The following BCAS3 variants were observed in gnomAD, a reference collection of about 807,000 sequenced individuals.
BCAS3 encodes BCAS3 microtubule associated cell migration factor.
Under a neutral mutation model 116.1 loss-of-function variants are expected in BCAS3, and 53 were observed. The ratio of observed to expected loss-of-function variants is 0.46; its 90% CI spans 0.37 to 0.57. BCAS3 has a LOEUF of 0.57. Among genes scored for constraint, BCAS3 ranks in the 20% least tolerant of loss-of-function variants. The probability of loss-of-function intolerance (pLI) is 0.00; values close to 1 mark genes in which losing one functional copy is unlikely to be tolerated. For missense variants in BCAS3, 917 were observed against 1,165.4 expected (o/e 0.79, Z 3.10); for synonymous variants, 391 against 408.2 (o/e 0.96, Z 0.51).
chr17:60,940,160 A>G (rs1001601061), intron 13 of BCAS3, among the ~76,000 whole-genome samples: 4 of 152,348 alleles, frequency 2.6e-5, no homozygotes, highest in East Asian at 3.9e-4. Flanking sequence ...TTCACTTTAT[A>G]TAGATTTTTC....
chr17:60,726,446 C>T (rs181609734), intron 5 of BCAS3, among the ~76,000 whole-genome samples: 3 of 151,400 alleles, frequency 2.0e-5, no homozygotes, highest in African/African-American at 4.9e-5. Flanking sequence ...GTGATCTGCC[C>T]GCCTTGGCCT....
chr17:61,148,031 C>T (rs2077338172), intron 22 of BCAS3, among the ~76,000 whole-genome samples: 1 of 151,700 alleles, frequency 6.6e-6, no homozygotes, highest in Admixed American at 6.6e-5. Flanking sequence ...GTTGGGAATG[C>T]AGCTACCAAT....
chr17:61,306,020 G>A (rs2053828771), intron 22 of BCAS3, among the ~76,000 whole-genome samples: 1 of 152,154 alleles, frequency 6.6e-6, no homozygotes, highest in Non-Finnish European at 1.5e-5. Flanking sequence ...ACTGAATTTG[G>A]CCCCAAGTCT....
At position 61,343,862 on chromosome 17, in the gene BCAS3, A is replaced by G. The variant is rs112026720; in HGVS notation, c.2426-24465A>G. ...TGCTCAGTTCTGCTCTGCAGCCCCCATGGCGACACCCTCTCTCTTTGGACC... is the reference window on the plus strand; with the variant it reads ...TGCTCAGTTCTGCTCTGCAGCCCCCGTGGCGACACCCTCTCTCTTTGGACC... On this transcript the variant is annotated intron_variant, in intron 22 of 23. Transcript: ENST00000407086. The surrounding 1 kb of genome is among the most constrained non-coding windows in gnomAD (Gnocchi z 5.5). Among the ~76,000 whole-genome samples the G allele has an allele frequency of 2.0e-3, 298 of 152,296 alleles. 2 individuals carry two copies. Among genetic ancestry groups the G allele is most frequent in the Non-Finnish European group, 2.9e-3 (198 of 68,014 alleles).
intron 19 of BCAS3, among the ~76,000 whole-genome samples, chr17:61,044,562 T>C (rs1307589791): frequency 2.0e-5 from 3 of 151,394 alleles, no homozygotes; most frequent in Admixed American, 6.6e-5. Context: ...AGTCACAGTT[T>C]CCATGAACTT....
rs1223979213 is a variant in BCAS3 at position 61,380,383 on chromosome 17, C to A, written c.2594-11594C>A. 1 of 843,482 alleles carries A rather than the reference C, an allele frequency of 1.2e-6. No homozygotes were observed. The highest frequency in any genetic ancestry group is 1.5e-5 in the South Asian group (1 of 66,784). The allele number at this position is 843,482 out of a possible 1,614,324, so 52.2% of individuals were successfully genotyped here. A position where few individuals can be genotyped will look rare whatever the true frequency, so the allele number is the denominator to read the frequency against. On this transcript the variant is annotated intron_variant, in intron 23 of 23. Coordinates refer to ENST00000407086, the MANE Select transcript of BCAS3 (RefSeq NM_017679.5). This position sits in a 1 kb window ranked among gnomAD's most constrained non-coding sequence, Gnocchi z 4.2. ...GCCTGGGAACAGACCATGAACACCC[C>A]CGCAAAGCTCTCAGTGGTCAAACCA... is the stretch of plus-strand genomic sequence containing the variant.
rs967318669 is a variant in BCAS3 at position 61,387,834 on chromosome 17, G to A, written c.2594-4143G>A. Among the ~76,000 whole-genome samples the A allele has an allele frequency of 1.3e-5, 2 of 152,142 alleles. No homozygotes were observed. The highest frequency in any genetic ancestry group is 1.3e-4 in the Admixed American group (2 of 15,282). On this transcript the variant is annotated intron_variant, in intron 23 of 23. Transcript: ENST00000407086. This position sits in a 1 kb window ranked among gnomAD's most constrained non-coding sequence, Gnocchi z 6.2. ...TTCGTCTTCCTTGGTTTTGCTCTCTGCAATGTGGGTATATAGCTCCCACCA... is the reference window on the plus strand; with the variant it reads ...TTCGTCTTCCTTGGTTTTGCTCTCTACAATGTGGGTATATAGCTCCCACCA...
chr17:60,689,305 C>T (rs903441930), intron 3 of BCAS3, among the ~76,000 whole-genome samples: 1 of 152,114 alleles, frequency 6.6e-6, no homozygotes, highest in African/African-American at 2.4e-5. Flanking sequence ...TCCCCAGTAG[C>T]TGGAATTACA....
chr17:61,318,679 G>A (rs1339191678), intron 22 of BCAS3, among the ~76,000 whole-genome samples: 2 of 152,218 alleles, frequency 1.3e-5, no homozygotes, highest in Non-Finnish European at 1.5e-5. Flanking sequence ...CGGAGGACAT[G>A]TGCTATTTCC....
chr17:60,829,253 G>C (rs1411356984), intron 7 of BCAS3, among the ~76,000 whole-genome samples: 4 of 152,098 alleles, frequency 2.6e-5, no homozygotes, highest in Non-Finnish European at 5.9e-5. Context: ...CCAGCACTTT[G>C]GGAGGCTGAG....
intron 22 of BCAS3, among the ~76,000 whole-genome samples, chr17:61,322,864 G>GAGAGAGAC (rs2055413736): frequency 6.7e-6 from 1 of 148,328 alleles, no homozygotes. Context: ...GACAGAGAGA[G>GAGAGAGAC]AGAGAGAGAG....
chr17:61,241,447 C>T lies in BCAS3; in HGVS notation c.2426-126880C>T, dbSNP rs552950033. ...AATAGTTTGGGCCTGCGCAGTGGCTCACCCCTGTAATCCCAACACTTTGGG... is the reference window on the plus strand; with the variant it reads ...AATAGTTTGGGCCTGCGCAGTGGCTTACCCCTGTAATCCCAACACTTTGGG... On this transcript the variant is annotated intron_variant, in intron 22 of 23. Transcript: ENST00000407086. This position sits in a 1 kb window ranked among gnomAD's most constrained non-coding sequence, Gnocchi z 4.6. 6.6e-6 allele frequency among the ~76,000 whole-genome samples: 1 copy of T among 152,024 alleles called. No homozygotes were observed. The highest frequency in any genetic ancestry group is 2.4e-5 in the African/African-American group (1 of 41,388).
intron 2 of BCAS3, 127 bp from the exon 3 acceptor site, chr17:60,683,855 C>CA (rs938951576): frequency 2.4e-6 from 2 of 843,486 alleles, no homozygotes; most frequent in African/African-American, 1.7e-5. Context: ...ACAAAACAAA[C>CA]AAAAAAACCC....
chr17:60,952,912 C>T (rs1048271930), intron 14 of BCAS3, among the ~76,000 whole-genome samples: 2 of 151,828 alleles, frequency 1.3e-5, no homozygotes, highest in Admixed American at 6.6e-5. Flanking sequence ...TAATGCCCTC[C>T]AGCTCCATCC....
At chr17:61,294,885 C>T (rs779915060) in intron 22 of BCAS3, among the ~76,000 whole-genome samples, 1 of 152,122 alleles carries the variant, frequency 6.6e-6, no homozygotes, top group Non-Finnish European at 1.5e-5. Context: ...ATCTTTGCCC[C>T]GAAGTCAGCC....
intron 14 of BCAS3, among the ~76,000 whole-genome samples, chr17:60,976,259 C>G (rs1375730455): frequency 6.6e-6 from 1 of 151,014 alleles, no homozygotes; most frequent in Non-Finnish European, 1.5e-5. Flanking sequence ...CTCCTGACCT[C>G]GTGATCCACC....
intron 5 of BCAS3, among the ~76,000 whole-genome samples, chr17:60,712,245 A>T (rs2038020284): frequency 6.6e-6 from 1 of 151,968 alleles, no homozygotes; most frequent in Non-Finnish European, 1.5e-5. Flanking sequence ...GCGTAGTGGC[A>T]TGCGCCTGTG....
chr17:60,893,021 C>T (rs1224815783), intron 10 of BCAS3, among the ~76,000 whole-genome samples: 3 of 151,882 alleles, frequency 2.0e-5, no homozygotes, highest in African/African-American at 7.3e-5. Context: ...TGATGTTGAA[C>T]ATTTTTTTTT....
chr17:60,948,318 A>G (rs1261544044), intron 14 of BCAS3, among the ~76,000 whole-genome samples: 1 of 152,068 alleles, frequency 6.6e-6, no homozygotes, highest in Admixed American at 6.6e-5. Context: ...CATATTGGCC[A>G]GGCTGATCTC....
Sources: gnomAD v4.1 joint callset for allele counts (sites outside exome capture counted in the v4.1 genomes callset) on GRCh38, gnomAD v4.1.1 for gene constraint, Gnocchi (gnomAD v3.1) non-coding constraint, MANE v1.5 for transcripts, NCBI Gene and HGNC (gene_info 2026-07-23, HGNC 2026-07-21) for gene names.